Variants in CERT1 observed in about 807,000 individuals in gnomAD.
CERT1 encodes ceramide transporter 1, also known as ceramide transfer protein.
Under a neutral mutation model 87.9 loss-of-function variants are expected in CERT1, and 31 were observed. The observed-to-expected ratio is 0.35, with a 90% CI of 0.27 to 0.48. The LOEUF (loss-of-function observed/expected upper bound fraction) is 0.48, where lower values mean the gene tolerates loss of function less well. Among genes scored for constraint, CERT1 ranks in the 20% least tolerant of loss-of-function variants. CERT1 has a pLI of 0.99. For missense variants in CERT1, 487 were observed against 758.0 expected (o/e 0.64, Z 4.20); for synonymous variants, 289 against 250.9 (o/e 1.15, Z -1.44).
At chr5:75,510,950 G>A (rs1481406643) in intron 1 of CERT1, among the ~76,000 whole-genome samples, 162 bp downstream of exon 1, 1 of 152,148 alleles carries the variant, frequency 6.6e-6, no homozygotes, top group Admixed American at 6.5e-5. Context: ...AACAAGGACA[G>A]TGCCCCTATA....
intron 2 of CERT1, chr5:75,505,205 T>C (rs1032067242): frequency 1.3e-5 from 2 of 152,264 alleles, no homozygotes; most frequent in Non-Finnish European, 2.9e-5. Flanking sequence ...AAGAATTGCT[T>C]GAACCTGGGA....
intron 8 of CERT1, among the ~76,000 whole-genome samples, chr5:75,404,210 CAT>C (rs1415943989): frequency 9.7e-5 from 14 of 144,358 alleles, no homozygotes; most frequent in Non-Finnish European, 3.0e-5. Flanking sequence ...ACGTTCTTGT[CAT>C]TTGGCATATA....
intron 2 of CERT1, among the ~76,000 whole-genome samples, chr5:75,479,117 GTGTTT>G (rs1377168019): frequency 2.0e-5 from 3 of 151,832 alleles, no homozygotes; most frequent in Non-Finnish European, 4.4e-5. Context: ...AAAAAAGACT[GTGTTT>G]TGTTGAGTTT....
chr5:75,424,558 G>A (rs1446360533), intron 5 of CERT1, among the ~76,000 whole-genome samples: 2 of 149,794 alleles, frequency 1.3e-5, no homozygotes, highest in African/African-American at 2.5e-5. Flanking sequence ...GTGACAGAGC[G>A]AGACTCTGTC....
intron 2 of CERT1, among the ~76,000 whole-genome samples, chr5:75,497,827 T>C (rs1365968134): frequency 6.6e-6 from 1 of 152,080 alleles, no homozygotes; most frequent in East Asian, 1.9e-4. Context: ...AGTGGGGTGC[T>C]GCTATAAGGA....
At position 75,507,588 on chromosome 5, in the gene CERT1, C is replaced by G. The variant is rs140919677; in HGVS notation, c.97-1472G>C. ...ATAGTTACCAATAAAACTGAATTCACCTTCCTATAAAGTATACTTCCTTCC... is the reference window on the plus strand; with the variant it reads ...ATAGTTACCAATAAAACTGAATTCAGCTTCCTATAAAGTATACTTCCTTCC... On this transcript the variant is annotated intron_variant, in intron 1 of 16. Transcript: ENST00000643780. Among the ~76,000 whole-genome samples, 316 of 152,248 alleles carry G rather than the reference C, an allele frequency of 2.1e-3. 1 individual carries two copies. In the East Asian group the frequency reaches 0.027, roughly 13 times the overall value.
At chr5:75,468,168 T>A (rs374635866) in intron 2 of CERT1, among the ~76,000 whole-genome samples, 1 of 152,204 alleles carries the variant, frequency 6.6e-6, no homozygotes, top group South Asian at 2.1e-4. Context: ...CCAGTGATCA[T>A]CCCCCTGTGG....
intron 11 of CERT1, 73 bp downstream of exon 11, chr5:75,399,230 AAAGATTT>A: frequency 8.1e-6 from 9 of 1,108,940 alleles, no homozygotes; most frequent in Non-Finnish European, 1.2e-5. Context: ...GGCCTAACCA[AAAGATTT>A]CTAGGAACTG....
intron 2 of CERT1, among the ~76,000 whole-genome samples, chr5:75,491,834 A>G (rs1580848712): frequency 1.3e-5 from 2 of 152,180 alleles, no homozygotes; most frequent in African/African-American, 4.8e-5. Flanking sequence ...CAAGCCTACC[A>G]CCTACCACTG....
At chr5:75,437,485 G>GCCA (rs924834348) in intron 3 of CERT1, among the ~76,000 whole-genome samples, 23 of 152,098 alleles carry the variant, frequency 1.5e-4, no homozygotes, top group African/African-American at 5.3e-4. Flanking sequence ...AAGAAAACAG[G>GCCA]CCAGGCATGA....
At chr5:75,394,874 G>A (rs1412146382) in intron 11 of CERT1, among the ~76,000 whole-genome samples, 1 of 152,060 alleles carries the variant, frequency 6.6e-6, no homozygotes, top group African/African-American at 2.4e-5. Context: ...AAAAAATCAG[G>A]CACATATGGA....
chr5:75,413,107 A>G (rs1762997372), intron 7 of CERT1, among the ~76,000 whole-genome samples: 1 of 152,050 alleles, frequency 6.6e-6, no homozygotes, highest in Non-Finnish European at 1.5e-5. Flanking sequence ...AACTTTTTAA[A>G]CTTTTTTGTT....
chr5:75,376,001 A>G (rs577331834), downstream of CERT1: 40 of 152,262 alleles, frequency 2.6e-4, no homozygotes, highest in African/African-American at 9.4e-4. Context: ...CTTTGCACAC[A>G]TATACATGTA....
At chr5:75,441,123 C>G (rs144265773) in intron 3 of CERT1, among the ~76,000 whole-genome samples, 1 of 152,210 alleles carries the variant, frequency 6.6e-6, no homozygotes, top group African/African-American at 2.4e-5. Context: ...CAATGACAGA[C>G]CACATATATG....
intron 17 of CERT1, chr5:75,371,484 C>G (rs1460422023): frequency 1.3e-5 from 2 of 152,196 alleles, no homozygotes; most frequent in African/African-American, 4.8e-5. Flanking sequence ...GTTGATGAAA[C>G]TGAACAAATA....
chr5:75,500,320 T>C (rs896280601), intron 2 of CERT1, among the ~76,000 whole-genome samples: 9 of 152,138 alleles, frequency 5.9e-5, no homozygotes, highest in East Asian at 3.9e-4. Context: ...AATGAATACA[T>C]TGTATAATTA....
chr5:75,422,151 T>A (rs979846859), intron 5 of CERT1, among the ~76,000 whole-genome samples: 3 of 152,126 alleles, frequency 2.0e-5, no homozygotes, highest in African/African-American at 7.2e-5. Flanking sequence ...GAGACTATGG[T>A]GAAGGGTATG....
intron 3 of CERT1, among the ~76,000 whole-genome samples, chr5:75,454,687 G>A (rs552630368): frequency 6.6e-6 from 1 of 152,300 alleles, no homozygotes; most frequent in Admixed American, 6.5e-5. Context: ...AATCATGGAA[G>A]CTGATCCTCT....
chr5:75,413,129 G>A (rs1249859684), intron 7 of CERT1, among the ~76,000 whole-genome samples: 2 of 151,780 alleles, frequency 1.3e-5, no homozygotes, highest in Non-Finnish European at 2.9e-5. Context: ...TAAACTAAGA[G>A]ACAACACACA....
Sources: gnomAD v4.1 joint callset for allele counts (sites outside exome capture counted in the v4.1 genomes callset) on GRCh38, gnomAD v4.1.1 for gene constraint, MANE v1.5 for transcripts, NCBI Gene and HGNC (gene_info 2026-07-23, HGNC 2026-07-21) for gene names.